The following GSE1 variants were observed in gnomAD, a reference collection of about 807,000 sequenced individuals.
GSE1 encodes genetic suppressor element 1.
In GSE1, 32 loss-of-function variants were observed where a neutral mutation model predicts 112.6. The ratio of observed to expected loss-of-function variants is 0.28; its 90% CI spans 0.21 to 0.38. GSE1 has a LOEUF of 0.38. Ranked by LOEUF, GSE1 falls within the 10% of genes least tolerant of loss-of-function variation. The pLI is 1.00. For missense variants in GSE1, 2,348 were observed against 1,699.2 expected, an observed-to-expected ratio of 1.38 and a Z score of -6.71; for synonymous variants, 1,115 against 735.6, an observed-to-expected ratio of 1.52 and a Z score of -8.35.
At chr16:85,201,832 A>G (rs904334865) in intron 1 of GSE1, among the ~76,000 whole-genome samples, 5 of 152,120 alleles carry the variant, frequency 3.3e-5, no homozygotes, top group African/African-American at 1.2e-4. Flanking sequence ...CTCATGGCCA[A>G]ATGATTTGCC....
At chr16:85,272,268 A>G (rs373755484) in intron 1 of GSE1, among the ~76,000 whole-genome samples, 14 of 152,308 alleles carry the variant, frequency 9.2e-5, no homozygotes, top group African/African-American at 2.9e-4. Flanking sequence ...TGCAAGGGCT[A>G]TGCGCGTGGG....
intron 8 of GSE1, among the ~76,000 whole-genome samples, chr16:85,660,356 G>T (rs2052329797): frequency 6.6e-6 from 1 of 152,336 alleles, no homozygotes; most frequent in Admixed American, 6.5e-5. Flanking sequence ...GTGTTGGAGG[G>T]CCGGGCACAG....
At chr16:85,361,786 C>A (rs533800483) in intron 2 of GSE1, among the ~76,000 whole-genome samples, 1 of 152,326 alleles carries the variant, frequency 6.6e-6, no homozygotes, top group South Asian at 2.1e-4. Flanking sequence ...CCTTGGTCTC[C>A]CCCAGAGGCG....
chr16:85,463,108 C>T (rs943150287), intron 2 of GSE1: 56 of 985,118 alleles, frequency 5.7e-5, no homozygotes, highest in Non-Finnish European at 6.6e-5. Flanking sequence ...ACCTGGTCGT[C>T]TCTGCTCCAG....
chr16:85,639,924 C>T (rs1197143362), intron 2 of GSE1, among the ~76,000 whole-genome samples: 2 of 152,166 alleles, frequency 1.3e-5, no homozygotes, highest in Non-Finnish European at 2.9e-5. Flanking sequence ...TCAGCTGCTC[C>T]AGGAGGCACA....
At chr16:85,438,507 G>A (rs1212785622) in intron 2 of GSE1, among the ~76,000 whole-genome samples, 1 of 152,182 alleles carries the variant, frequency 6.6e-6, no homozygotes, top group Non-Finnish European at 1.5e-5. Flanking sequence ...TAATCCTCGG[G>A]ACAATCTAGA....
intron 1 of GSE1, among the ~76,000 whole-genome samples, chr16:85,353,131 C>G (rs368502949): frequency 6.6e-6 from 1 of 152,240 alleles, no homozygotes; most frequent in African/African-American, 2.4e-5. Flanking sequence ...TTGGCTAGGA[C>G]GCAGTCTCAG....
intron 2 of GSE1, among the ~76,000 whole-genome samples, chr16:85,378,463 A>G (rs2047472089): frequency 6.6e-6 from 1 of 152,186 alleles, no homozygotes; most frequent in Non-Finnish European, 1.5e-5. Context: ...GCTGTGAGCC[A>G]CGGGAAGTCT....
intron 2 of GSE1, among the ~76,000 whole-genome samples, chr16:85,374,765 C>T (rs1389718188): frequency 2.0e-5 from 3 of 152,134 alleles, no homozygotes; most frequent in African/African-American, 7.2e-5. Flanking sequence ...GAGGCGCCCA[C>T]GCAGTTTCGG....
chr16:85,520,444 T>C (rs1294482368), intron 2 of GSE1, among the ~76,000 whole-genome samples: 2 of 151,962 alleles, frequency 1.3e-5, no homozygotes, highest in African/African-American at 4.8e-5. Context: ...TTTTTTTCTT[T>C]TTTTGAGAAG....
At chr16:85,382,763 G>A (rs943712623) in intron 2 of GSE1, among the ~76,000 whole-genome samples, 11 of 150,192 alleles carry the variant, frequency 7.3e-5, no homozygotes, top group Admixed American at 5.9e-4. Flanking sequence ...GCACACACAT[G>A]TATGCACACC....
intron 1 of GSE1, among the ~76,000 whole-genome samples, chr16:85,621,449 T>C (rs1481118524): frequency 2.0e-5 from 3 of 152,216 alleles, no homozygotes; most frequent in Non-Finnish European, 4.4e-5. Flanking sequence ...TGGCGTCCTT[T>C]TTTGAATACA....
chr16:85,600,839 C>A (rs985473633), intron 1 of GSE1, among the ~76,000 whole-genome samples: 1 of 152,094 alleles, frequency 6.6e-6, no homozygotes, highest in Non-Finnish European at 1.5e-5. Flanking sequence ...ATTTTGGGGA[C>A]AGGAGGGCTG....
At chr16:85,551,503 C>G (rs375556662), upstream of GSE1, among the ~76,000 whole-genome samples, 5 of 152,356 alleles carry the variant, frequency 3.3e-5, no homozygotes, top group African/African-American at 7.2e-5. Context: ...CCCGCTACCC[C>G]GTTCAGCCAC....
At chr16:85,646,254 C>T (rs1238944922) in intron 2 of GSE1, among the ~76,000 whole-genome samples, 3 of 152,208 alleles carry the variant, frequency 2.0e-5, no homozygotes, top group African/African-American at 7.2e-5. Flanking sequence ...TTCTACCACG[C>T]ATTCTACTTG....
chr16:85,666,299 C>T lies in GSE1; in HGVS notation c.3082C>T (p.His1028Tyr). The T allele has an allele frequency of 6.2e-7, 1 of 1,613,910 alleles. No homozygotes were observed. The highest frequency in any genetic ancestry group is 8.5e-7 in the Non-Finnish European group (1 of 1,180,014). The change falls in exon 13 of 16, where the codon CAC (histidine) becomes TAC (tyrosine). Residue 1028 changes from histidine to tyrosine, a missense_variant. Physicochemically the swap from His to Tyr is moderately conservative, Grantham distance 83. Coordinates refer to ENST00000253458, the MANE Select transcript of GSE1 (RefSeq NM_014615.5). Reference sequence around the variant, plus strand: ...GGCAGAAGAGTTTGCACATCAGTTCCACGAGTCAGTGCTGCAGTCCACCCA... The same window carrying T: ...GGCAGAAGAGTTTGCACATCAGTTCTACGAGTCAGTGCTGCAGTCCACCCA... ...FVAEEFAHQF[H>Y]ESVLQSTQKA...
chr16:85,455,104 G>A (rs1001655028), intron 2 of GSE1, among the ~76,000 whole-genome samples: 1 of 152,220 alleles, frequency 6.6e-6, no homozygotes. Context: ...TGGGGTGATG[G>A]CCTGAGCAGC....
intron 1 of GSE1, among the ~76,000 whole-genome samples, chr16:85,289,502 G>A (rs2045142051): frequency 6.6e-6 from 1 of 152,196 alleles, no homozygotes; most frequent in African/African-American, 2.4e-5. Flanking sequence ...TTGTGGAAAT[G>A]CCGTTTCCCA....
At chr16:85,589,697 TATTG>T (rs1342605287) in intron 1 of GSE1, among the ~76,000 whole-genome samples, 4 of 152,038 alleles carry the variant, frequency 2.6e-5, no homozygotes, top group African/African-American at 7.2e-5. Flanking sequence ...GAACGTGAGA[TATTG>T]TGTGTGTGTG....
Sources: allele counts gnomAD v4.1 joint callset (sites outside exome capture counted in the v4.1 genomes callset), GRCh38; gene constraint gnomAD v4.1.1; transcripts MANE v1.5; gene names NCBI Gene and HGNC (gene_info 2026-07-23, HGNC 2026-07-21).